SLC6A18: variants seen among roughly 807,000 people sequenced by gnomAD.
SLC6A18 encodes the protein inactive sodium-dependent neutral amino acid transporter B(0)AT3.
In SLC6A18, 58 loss-of-function variants were observed where a neutral mutation model predicts 62.9. The ratio of observed to expected loss-of-function variants is 0.92; its 90% CI spans 0.75 to 1.15. SLC6A18 has a LOEUF of 1.15. SLC6A18 is among the 50% of genes most tolerant of loss of function. SLC6A18 has a pLI of 0.00. For synonymous variants in SLC6A18, 382 were observed against 365.8 expected (o/e 1.04, Z -0.51); for missense variants, 793 against 836.6 (o/e 0.95, Z 0.64).
At chr5:1,235,714 AC>A (rs1561177599) in intron 4 of SLC6A18, 52 bp downstream of exon 4, 1 of 1,580,900 alleles carries the variant, frequency 6.3e-7, no homozygotes, top group South Asian at 1.1e-5. Flanking sequence ...AGCCCCCAAG[AC>A]CCCTCCCCAT....
Position 1,243,908 on chromosome 5 carries a change from G to A in SLC6A18, c.1336+149G>A. 1.2e-6 allele frequency: 1 copy of A among 863,834 alleles called. No homozygotes were observed. The highest frequency in any genetic ancestry group is 1.7e-5 in the African/African-American group (1 of 58,832). 53.5% of individuals were successfully genotyped at this position (863,834 alleles called of 1,614,324 possible). On this transcript the variant is annotated intron_variant, in intron 9 of 11. Transcript: ENST00000324642. The surrounding 1 kb of genome is among the most constrained non-coding windows in gnomAD (Gnocchi z 6.5). The stretch of plus-strand genomic sequence containing the variant: ...AGGCTGAGCCAGGCTACTCCTTGCT[G>A]ACAGCCATCAACGGAGAGCCGAGGG...
At position 1,240,515 on chromosome 5, in the gene SLC6A18, G is replaced by A. The variant is rs548993851; in HGVS notation, c.846-16G>A. Reference sequence around the variant, plus strand: ...ACCTCCTGCAAAGCCTGTGATGAGCGTGCGTTTGTGCCCAGGAATGACTGC... The same window carrying A: ...ACCTCCTGCAAAGCCTGTGATGAGCATGCGTTTGTGCCCAGGAATGACTGC... On this transcript the variant is annotated splice_polypyrimidine_tract_variant and intron_variant, in intron 6 of 11. Coordinates refer to ENST00000324642, the MANE Select transcript of SLC6A18 (RefSeq NM_182632.3). The A allele has an allele frequency of 3.2e-5, 51 of 1,613,882 alleles. No individual in the cohort carries two copies. The highest frequency in any genetic ancestry group is 4.5e-5 in the East Asian group (2 of 44,878).
At chr5:1,235,393 G>T in intron 3 of SLC6A18, 88 bp from the exon 4 acceptor site, 1 of 1,365,788 alleles carries the variant, frequency 7.3e-7, no homozygotes. Context: ...GCAGTGTTGT[G>T]AGCAGCCCAG....
intron 3 of SLC6A18, among the ~76,000 whole-genome samples, chr5:1,233,930 A>G (rs535742385): frequency 5.9e-5 from 9 of 151,974 alleles, no homozygotes; most frequent in East Asian, 3.9e-4. Context: ...TTTAGTAGAG[A>G]CGGGGTTTCA....
At chr5:1,234,987 G>A (rs1049152688) in intron 3 of SLC6A18, among the ~76,000 whole-genome samples, 7 of 152,354 alleles carry the variant, frequency 4.6e-5, no homozygotes, top group East Asian at 3.9e-4. Context: ...GTTGTCAGAC[G>A]CTGCCTCTGG....
Position 1,235,647 on chromosome 5 carries a change from T to C in SLC6A18, c.606T>C (p.Ile202=). The change falls in exon 4 of 12, where the codon ATT becomes ATC. Residue 202 remains isoleucine, a synonymous_variant. Coordinates refer to ENST00000324642, the MANE Select transcript of SLC6A18 (RefSeq NM_182632.3). The part of the protein sequence containing the change: ...AVVYMCVIRG[I]ETTGKVIYFT... ...TGTACATGTGTGTCATCAGGGGCAT[T>C]GAGACTACAGGGAAGGTGAGAGCTG... 6.2e-7 allele frequency: 1 copy of C among 1,613,866 alleles called. No homozygotes were observed.
chr5:1,241,801 C>A lies in SLC6A18; in HGVS notation c.975-906C>A, dbSNP rs1228234791. 6.6e-6 allele frequency among the ~76,000 whole-genome samples: 1 copy of A among 152,178 alleles called. No homozygotes were observed. The highest frequency in any genetic ancestry group is 1.5e-5 in the Non-Finnish European group (1 of 68,044). On this transcript the variant is annotated intron_variant, in intron 7 of 11. Coordinates refer to ENST00000324642, the MANE Select transcript of SLC6A18 (RefSeq NM_182632.3). The surrounding 1 kb of genome is among the most constrained non-coding windows in gnomAD (Gnocchi z 7.8). Reference sequence around the variant, plus strand: ...AATGTCGCAAGTAACTGTAAAAGTGCGCAAATATTGACGGGGTTACAAGCA... The same window carrying A: ...AATGTCGCAAGTAACTGTAAAAGTGAGCAAATATTGACGGGGTTACAAGCA...
chr5:1,237,883 C>A, intron 4 of SLC6A18, 67 bp from the exon 5 acceptor site: 1 of 1,294,598 alleles, frequency 7.7e-7, no homozygotes. Context: ...AGCCTGCCTG[C>A]TTCTCTGAGG....
At chr5:1,240,741 G>A (rs1205557312) in intron 7 of SLC6A18, 82 bp downstream of exon 7, 7 of 1,575,270 alleles carry the variant, frequency 4.4e-6, no homozygotes, top group South Asian at 2.2e-5. Context: ...CAAGGCATGA[G>A]GAAGGGTGGC....
chr5:1,239,617 C>T, intron 6 of SLC6A18, 55 bp downstream of exon 6: 7 of 1,340,574 alleles, frequency 5.2e-6, no homozygotes, highest in Non-Finnish European at 7.5e-6. Context: ...GACGCCCGAG[C>T]ACTTCCTGAT....
Position 1,244,746 on chromosome 5 carries a change from C to A in SLC6A18, c.1635C>A (p.Tyr545Ter). Residue 545 changes from tyrosine (Y) to a stop codon, truncating the protein, a stop_gained, in exon 11 of 12, where the codon TAC (tyrosine) becomes TAA (stop). Coordinates refer to ENST00000324642, the MANE Select transcript of SLC6A18 (RefSeq NM_182632.3). LOFTEE classifies it low-confidence loss of function (END_TRUNC). ...TCCTGTTCTGGAAGCCACTGAGATA[C>A]AAGGCCTGGAACCCCAAATACGTAG... ...IILLFWKPLRYKAWNPKYELF... is the reference protein window; with the variant it reads ...IILLFWKPLR 6.2e-7 allele frequency: 1 copy of A among 1,609,446 alleles called. No homozygotes were observed. Among genetic ancestry groups the A allele is most frequent in the Non-Finnish European group, 8.5e-7 (1 of 1,176,266 alleles).
intron 1 of SLC6A18, among the ~76,000 whole-genome samples, chr5:1,226,308 C>G (rs1257670410): frequency 2.0e-5 from 3 of 152,228 alleles, no homozygotes; most frequent in Non-Finnish European, 4.4e-5. Flanking sequence ...ACTCTGCTCT[C>G]CATGTGGCGA....
intron 1 of SLC6A18, among the ~76,000 whole-genome samples, chr5:1,230,735 C>T (rs113394458): frequency 7.9e-5 from 12 of 152,246 alleles, no homozygotes; most frequent in African/African-American, 2.2e-4. Context: ...CGGAGACGCA[C>T]GGCGGGGAAG....
chr5:1,232,054 T>C (rs1293925009), intron 1 of SLC6A18, among the ~76,000 whole-genome samples, 165 bp from the exon 2 acceptor site: 1 of 152,200 alleles, frequency 6.6e-6, no homozygotes, highest in Non-Finnish European at 1.5e-5. Context: ...AGGCAGGGTT[T>C]GGCAACCCAA....
chr5:1,243,824 G>T lies in SLC6A18; in HGVS notation c.1336+65G>T. 3 of 1,450,360 alleles carry T rather than the reference G, an allele frequency of 2.1e-6. No homozygotes were observed. The highest frequency in any genetic ancestry group is 4.2e-5 in the Admixed American group (2 of 47,794). The allele number at this position is 1,450,360 out of a possible 1,614,324, so 89.8% of individuals were successfully genotyped here. A position where few individuals can be genotyped will look rare whatever the true frequency, so the allele number is the denominator to read the frequency against. On this transcript the variant is annotated intron_variant, in intron 9 of 11. Transcript: ENST00000324642. This position sits in a 1 kb window ranked among gnomAD's most constrained non-coding sequence, Gnocchi z 6.5. Reference sequence around the variant, plus strand: ...AGCATCTGACTGTCCACTCCCGCCCGCTGTCCAGACGCCCCTCCTGGATGG... The same window carrying T: ...AGCATCTGACTGTCCACTCCCGCCCTCTGTCCAGACGCCCCTCCTGGATGG...
intron 9 of SLC6A18, 36 bp from the exon 10 acceptor site, chr5:1,244,178 C>CAAA: frequency 5.1e-6 from 3 of 593,890 alleles, no homozygotes; most frequent in Non-Finnish European, 6.2e-6. Flanking sequence ...CACTCCCCAT[C>CAAA]CCCTTACCCC....
At position 1,235,494 on chromosome 5, in the gene SLC6A18, G is replaced by T. The variant is rs144018012; in HGVS notation, c.453G>T (p.Glu151Asp). The T allele has an allele frequency of 6.2e-7, 1 of 1,613,902 alleles. No homozygotes were observed. The highest frequency in any genetic ancestry group is 1.1e-5 in the South Asian group (1 of 91,084). The change falls in exon 4 of 12, where the codon GAG becomes GAT. Residue 151 changes from glutamate (E) to aspartate (D), a missense_variant. Coordinates refer to ENST00000324642, the MANE Select transcript of SLC6A18 (RefSeq NM_182632.3). The part of the protein sequence containing the change: ...PDLNRTGFVE[E>D]CQGSSAVSYF... ...CCCTGGTTTCAGGGTTTGTGGAGGA[G>T]TGCCAGGGCAGCAGCGCCGTGAGCT...
At chr5:1,236,559 C>T (rs1199002429) in intron 4 of SLC6A18, among the ~76,000 whole-genome samples, 1 of 152,212 alleles carries the variant, frequency 6.6e-6, no homozygotes, top group African/African-American at 2.4e-5. Context: ...GCCTGGACCC[C>T]TCAAGCAAGA....
intron 6 of SLC6A18, 64 bp downstream of exon 6, chr5:1,239,626 A>T: frequency 1.6e-6 from 2 of 1,242,454 alleles, no homozygotes; most frequent in Non-Finnish European, 2.4e-6. Flanking sequence ...GCACTTCCTG[A>T]TCTCAGGATC....
Sources: allele counts gnomAD v4.1 joint callset (sites outside exome capture counted in the v4.1 genomes callset), GRCh38; gene constraint gnomAD v4.1.1; non-coding constraint Gnocchi (gnomAD v3.1); transcripts MANE v1.5; gene names NCBI Gene and HGNC (gene_info 2026-07-23, HGNC 2026-07-21).